ARHGAP45: variants seen among roughly 807,000 people sequenced by gnomAD.
ARHGAP45 encodes rho GTPase-activating protein 45.
In ARHGAP45, 56 loss-of-function variants were observed where a neutral mutation model predicts 116.1. That is an observed-to-expected ratio of 0.48 (90% CI 0.39 to 0.60). The LOEUF is 0.60. Among genes scored for constraint, ARHGAP45 ranks in the 20% least tolerant of loss-of-function variants. The pLI is 0.00. For missense variants in ARHGAP45, 1,622 were observed against 1,601.0 expected, an observed-to-expected ratio of 1.01 and a Z score of -0.22; for synonymous variants, 866 against 701.7, an observed-to-expected ratio of 1.23 and a Z score of -3.70.
In ARHGAP45 at chr19:1,068,454, G is replaced by A; in HGVS notation, c.131G>A (p.Gly44Glu). 6.3e-7 allele frequency: 1 copy of A among 1,581,758 alleles called. No individual in the cohort carries two copies. Among genetic ancestry groups the A allele is most frequent in the South Asian group, 1.1e-5 (1 of 87,332 alleles). ...RKDGADAVFPGPSLEPPAGSS... is the reference protein window; with the variant it reads ...RKDGADAVFPEPSLEPPAGSS... Reference sequence around the variant, plus strand: ...GATGGGGCTGACGCGGTGTTCCCCGGACCAAGCCTGGAGCCGCCCGCTGGG... The same window carrying A: ...GATGGGGCTGACGCGGTGTTCCCCGAACCAAGCCTGGAGCCGCCCGCTGGG... Residue 44 changes from glycine (G) to glutamate (E), a missense_variant, in exon 2 of 23, where the codon GGA becomes GAA. This residue lies in a region of ARHGAP45 where 279 missense variants were observed against 311.9 expected (regional missense o/e 0.89). Coordinates refer to ENST00000313093, the MANE Select transcript of ARHGAP45 (RefSeq NM_012292.5). This position sits in a 1 kb window ranked among gnomAD's most constrained non-coding sequence, Gnocchi z 7.5.
Position 1,085,682 on chromosome 19 carries a change from T to TTCGGAC in ARHGAP45, c.3094_3099dup (p.Ser1032_Asp1033dup). ...TAGAATCCCGAGTTGTGTCCAACGA[T>TTCGGAC]TCGGACTCGGACCTAGAGGAGGCCT... On this transcript the variant is annotated inframe_insertion, in exon 23 of 23. Transcript: ENST00000313093. 6.3e-7 allele frequency: 1 copy of TTCGGAC among 1,583,200 alleles called. No homozygotes were observed. Among genetic ancestry groups the TTCGGAC allele is most frequent in the East Asian group, 2.3e-5 (1 of 44,184 alleles).
rs1307471796 is a variant in ARHGAP45 at position 1,068,909 on chromosome 19, G to T, written c.421+165G>T. Among the ~76,000 whole-genome samples the T allele has an allele frequency of 6.6e-6, 1 of 152,094 alleles. No homozygotes were observed. Among genetic ancestry groups the T allele is most frequent in the African/African-American group, 2.4e-5 (1 of 41,406 alleles). Reference sequence around the variant, plus strand: ...CTAAGGCTCTGAGGGATGTGTAGGAGTTTGGTGGGGGAGTCCCTGAGCGTA... The same window carrying T: ...CTAAGGCTCTGAGGGATGTGTAGGATTTTGGTGGGGGAGTCCCTGAGCGTA... On this transcript the variant is annotated intron_variant, in intron 2 of 22. Transcript: ENST00000313093. This position sits in a 1 kb window ranked among gnomAD's most constrained non-coding sequence, Gnocchi z 7.5.
At chr19:1,072,983 AC>A (rs2043167705) in intron 2 of ARHGAP45, among the ~76,000 whole-genome samples, 165 bp from the exon 3 acceptor site, 1 of 152,226 alleles carries the variant, frequency 6.6e-6, no homozygotes, top group East Asian at 1.9e-4. Flanking sequence ...CCAGGGAGGG[AC>A]AGTGCCCTCC....
Position 1,068,604 on chromosome 19 carries a change from CACT to C in ARHGAP45, c.282_284del (p.Leu95del). 6.2e-7 allele frequency: 1 copy of C among 1,611,204 alleles called. No homozygotes were observed. Among genetic ancestry groups the C allele is most frequent in the South Asian group, 1.1e-5 (1 of 90,998 alleles). On this transcript the variant is annotated inframe_deletion, in exon 2 of 23. Coordinates refer to ENST00000313093, the MANE Select transcript of ARHGAP45 (RefSeq NM_012292.5). This position sits in a 1 kb window ranked among gnomAD's most constrained non-coding sequence, Gnocchi z 7.5. ...ACACTGGGCCGGAGCCACCGGAGCC[CACT>C]GACAGCCGCCAGCCCGGGCGAGCTG... is the stretch of plus-strand genomic sequence containing the variant.
chr19:1,081,585 G>T lies in ARHGAP45; in HGVS notation c.2226G>T (p.Thr742=), dbSNP rs866668484. Residue 742 remains threonine, a synonymous_variant, in exon 18 of 23, where the codon ACG becomes ACT. Coordinates refer to ENST00000313093, the MANE Select transcript of ARHGAP45 (RefSeq NM_012292.5). ...CCTGCCACAAGAAATGTCTGGAGAC[G>T]CTGGCCATACAGTGCGGGCACAAGA... ...CLACHKKCLE[T]LAIQCGHKKL... 21 of 1,506,742 alleles carry T rather than the reference G, an allele frequency of 1.4e-5. No homozygotes were observed. The highest frequency in any genetic ancestry group is 1.7e-5 in the Non-Finnish European group (19 of 1,125,902). 93.3% of individuals were successfully genotyped at this position (1,506,742 alleles called of 1,614,324 possible).
chr19:1,074,971 GC>G, intron 10 of ARHGAP45, 92 bp downstream of exon 10: 1 of 1,108,582 alleles, frequency 9.0e-7, no homozygotes, highest in South Asian at 2.6e-5. Context: ...GGGCCCTGCG[GC>G]GAGCTCCGCA....
At chr19:1,084,379 G>C (rs1290776778) in intron 22 of ARHGAP45, 33 bp downstream of exon 22, 1 of 1,560,686 alleles carries the variant, frequency 6.4e-7, no homozygotes, top group Non-Finnish European at 8.7e-7. Flanking sequence ...GGCCCCAAGG[G>C]AGGCTGGCGT....
At chr19:1,072,773 G>T (rs976301525) in intron 2 of ARHGAP45, among the ~76,000 whole-genome samples, 2 of 152,258 alleles carry the variant, frequency 1.3e-5, no homozygotes, top group African/African-American at 4.8e-5. Flanking sequence ...GAAGGGCAGA[G>T]AGAGACCTGG....
chr19:1,073,556 G>T lies in ARHGAP45; in HGVS notation c.616G>T (p.Ala206Ser), dbSNP rs2043178531. The change falls in exon 4 of 23, where the codon GCC (alanine) becomes TCC (serine). Residue 206 changes from alanine (A) to serine (S), a missense_variant. By Grantham distance (99) the Ala-to-Ser change is moderately conservative (BLOSUM62 1). This residue lies in a region of ARHGAP45 where 279 missense variants were observed against 311.9 expected (regional missense o/e 0.89). Coordinates refer to ENST00000313093, the MANE Select transcript of ARHGAP45 (RefSeq NM_012292.5). ...NDLEKQEFEK[A>S]LETIAVAFSS... ...TCTGGAGAAACAGGAGTTCGAGAAG[G>T]CCCTGGAGACGATTGCTGTGGCCTT... 6.2e-7 allele frequency: 1 copy of T among 1,614,030 alleles called. No homozygotes were observed. The highest frequency in any genetic ancestry group is 8.5e-7 in the Non-Finnish European group (1 of 1,179,994).
intron 22 of ARHGAP45, among the ~76,000 whole-genome samples, 166 bp downstream of exon 22, chr19:1,084,512 T>G (rs1028190526): frequency 1.3e-5 from 2 of 152,212 alleles, no homozygotes; most frequent in African/African-American, 4.8e-5. Context: ...TCATTCAGTG[T>G]CCTTTAACCG....
Position 1,080,286 on chromosome 19 carries a change from T to C in ARHGAP45, c.1735T>C (p.Phe579Leu). 6.2e-7 allele frequency: 1 copy of C among 1,612,600 alleles called. No homozygotes were observed. Among genetic ancestry groups the C allele is most frequent in the Non-Finnish European group, 8.5e-7 (1 of 1,179,852 alleles). Residue 579 changes from phenylalanine to leucine, a missense_variant, in exon 14 of 23, where the codon TTC (phenylalanine) becomes CTC (leucine). Coordinates refer to ENST00000313093, the MANE Select transcript of ARHGAP45 (RefSeq NM_012292.5). ...SPVMRARKSS[F>L]NVSDVARPEA... ...CGTCATGCGTGCCCGGAAGAGCAGC[T>C]TCAACGTGAGTGATGTGGCGCGGCC...
rs1161035651 is a variant in ARHGAP45 at position 1,080,763 on chromosome 19, C to A, written c.1994C>A (p.Ala665Asp). The change falls in exon 16 of 23, where the codon GCC (alanine) becomes GAC (aspartate). Residue 665 changes from alanine to aspartate, a missense_variant. This residue lies in a region of ARHGAP45 where 1,334 missense variants were observed against 1,263.8 expected (regional missense o/e 1.06). Transcript: ENST00000313093. ...TEELVDPDGG[A>D]GASAFEQADL... ...GAGCTGGTGGACCCAGACGGTGGAG[C>A]CGGGGCTTCAGCCTTTGAGCAGGGT... 3 of 1,613,472 alleles carry A rather than the reference C, an allele frequency of 1.9e-6. No homozygotes were observed. Among genetic ancestry groups the A allele is most frequent in the Non-Finnish European group, 2.5e-6 (3 of 1,179,950 alleles).
intron 17 of ARHGAP45, chr19:1,081,316 G>A: frequency 1.6e-6 from 1 of 638,506 alleles, no homozygotes; most frequent in East Asian, 2.8e-5. Flanking sequence ...AGAAGACCTG[G>A]AGGGCAAAGG....
Position 1,068,395 on chromosome 19 carries a change from C to T in ARHGAP45, c.91-19C>T, listed in dbSNP as rs749386867. On this transcript the variant is annotated intron_variant, in intron 1 of 22. Coordinates refer to ENST00000313093, the MANE Select transcript of ARHGAP45 (RefSeq NM_012292.5). This position sits in a 1 kb window ranked among gnomAD's most constrained non-coding sequence, Gnocchi z 7.5. Reference sequence around the variant, plus strand: ...GGCCGGAAAATCCCTTTAACGAGCTCCCCTCGGACCTGCCCAAGGAGCTGC... The same window carrying T: ...GGCCGGAAAATCCCTTTAACGAGCTTCCCTCGGACCTGCCCAAGGAGCTGC... 13 of 1,508,378 alleles carry T rather than the reference C, an allele frequency of 8.6e-6. No homozygotes were observed. In the South Asian group the frequency reaches 1.6e-4, roughly 19 times the overall value. 93.4% of individuals were successfully genotyped at this position (1,508,378 alleles called of 1,614,324 possible).
chr19:1,086,201 C>T lies in ARHGAP45; in HGVS notation c.*195C>T. 1.7e-6 allele frequency: 1 copy of T among 593,834 alleles called. No homozygotes were observed. The allele number at this position is 593,834 out of a possible 1,614,324, so 36.8% of individuals were successfully genotyped here. ...AGCACGAGGGCCTTGCGGCACAGGA[C>T]TGTGCCCTGTGCTGTCCCCTGCACC... is the stretch of plus-strand genomic sequence containing the variant. On this transcript the variant is annotated 3_prime_UTR_variant, in exon 23 of 23. Transcript: ENST00000313093.
At position 1,086,296 on chromosome 19, in the gene ARHGAP45, C is replaced by T. The variant is rs936884534; in HGVS notation, c.*290C>T. ...AGTGGCCTTGTTGGTGCCCACAGGG[C>T]TGTGTGGATGGAGGAAGCTGTCCCT... On this transcript the variant is annotated 3_prime_UTR_variant, in exon 23 of 23. Coordinates refer to ENST00000313093, the MANE Select transcript of ARHGAP45 (RefSeq NM_012292.5). 2.6e-6 allele frequency: 1 copy of T among 386,116 alleles called. No homozygotes were observed. Among genetic ancestry groups the T allele is most frequent in the Non-Finnish European group, 4.8e-6 (1 of 209,006 alleles). 23.9% of individuals were successfully genotyped at this position (386,116 alleles called of 1,614,324 possible).
Position 1,085,974 on chromosome 19 carries a change from T to G in ARHGAP45, c.3379T>G (p.Ser1127Ala), listed in dbSNP as rs1388080590. 3 of 1,612,622 alleles carry G rather than the reference T, an allele frequency of 1.9e-6. No homozygotes were observed. Residue 1127 changes from serine to alanine, a missense_variant, in exon 23 of 23, where the codon TCC becomes GCC. By Grantham distance (99) the Ser-to-Ala change is moderately conservative. Around this residue, in one of 3 missense-constraint regions of ARHGAP45, gnomAD observed 1,334 missense variants for 1,263.8 expected, o/e 1.06. Transcript: ENST00000313093. ...CCGTGGCGGGCGGATGACACTGGGC[T>G]CCTGCAGGGAAAGGCAGCCGGAATT... ...RLRGGRMTLG[S>A]CRERQPEFV
rs1294853357 is a variant in ARHGAP45 at position 1,073,728 on chromosome 19, T to G, written c.705T>G (p.Pro235=). 1 of 1,595,438 alleles carries G rather than the reference T, an allele frequency of 6.3e-7. No homozygotes were observed. ...EVDSSTLLAV[P]PGDSSQSMES... is the part of the protein sequence containing the mutation. ...ACAGCAGCACCCTCCTAGCAGTGCC[T>G]CCTGGGGACTCGAGCCAGGTGAGTG... The change falls in exon 5 of 23, where the codon CCT becomes CCG. Residue 235 remains proline (P), a synonymous_variant. Transcript: ENST00000313093.
chr19:1,071,911 T>G lies in ARHGAP45; in HGVS notation c.422-1238T>G, dbSNP rs2043147767. On this transcript the variant is annotated intron_variant, in intron 2 of 22. Transcript: ENST00000313093. The surrounding 1 kb of genome is among the most constrained non-coding windows in gnomAD (Gnocchi z 4.6). ...GTCAAAGCTGCCCCTCCCGCTGGCC[T>G]CTGTCCTCCCGGGTACCTTTCCCCT... 6.6e-6 allele frequency: 1 copy of G among 152,344 alleles called. No individual in the cohort carries two copies. The highest frequency in any genetic ancestry group is 2.1e-4 in the South Asian group (1 of 4,838). The allele number at this position is 152,344 out of a possible 1,614,324, so 9.4% of individuals were successfully genotyped here.
Sources: allele counts gnomAD v4.1 joint callset (sites outside exome capture counted in the v4.1 genomes callset), GRCh38; gene constraint gnomAD v4.1.1; regional missense constraint gnomAD v4.1.1; non-coding constraint Gnocchi (gnomAD v3.1); transcripts MANE v1.5; gene names NCBI Gene and HGNC (gene_info 2026-07-23, HGNC 2026-07-21).